The following IQUB variants were observed in gnomAD, a reference collection of about 807,000 sequenced individuals.
IQUB encodes the protein IQ motif and ubiquitin-like domain-containing protein.
Under a neutral mutation model 86.4 loss-of-function variants are expected in IQUB, and 86 were observed. The ratio of observed to expected loss-of-function variants is 1.00; its 90% CI spans 0.84 to 1.19. The LOEUF is 1.19. IQUB is among the 50% of genes most tolerant of loss of function. The probability of loss-of-function intolerance (pLI) is 0.00; values close to 1 mark genes in which losing one functional copy is unlikely to be tolerated. For missense variants in IQUB, 946 were observed against 916.9 expected (o/e 1.03, Z -0.41); for synonymous variants, 289 against 304.5 (o/e 0.95, Z 0.53).
At chr7:123,460,428 A>C (rs1191328891) in intron 11 of IQUB, among the ~76,000 whole-genome samples, 1 of 151,914 alleles carries the variant, frequency 6.6e-6, no homozygotes, top group Non-Finnish European at 1.5e-5. Flanking sequence ...AATCTCTATA[A>C]AGTTTTCTAT....
chr7:123,503,607 T>A (rs1796048025), intron 3 of IQUB, among the ~76,000 whole-genome samples: 1 of 151,946 alleles, frequency 6.6e-6, no homozygotes, highest in Non-Finnish European at 1.5e-5. Context: ...ATATGTAATA[T>A]ATTATTATTA....
At chr7:123,469,433 T>A in intron 8 of IQUB, 49 bp from the exon 9 acceptor site, 1 of 1,142,306 alleles carries the variant, frequency 8.8e-7, no homozygotes, top group Non-Finnish European at 1.2e-6. Context: ...AGAAACTACG[T>A]ATAACAATTT....
At chr7:123,508,925 T>C (rs969249036) in intron 3 of IQUB, among the ~76,000 whole-genome samples, 2 of 152,184 alleles carry the variant, frequency 1.3e-5, no homozygotes, top group Non-Finnish European at 2.9e-5. Context: ...CAGTATATGG[T>C]CAATAAATTA....
At position 123,503,265 on chromosome 7, in the gene IQUB, G is replaced by T; in HGVS notation, c.631C>A (p.Pro211Thr). 1 of 1,610,640 alleles carries T rather than the reference G, an allele frequency of 6.2e-7. No homozygotes were observed. Among genetic ancestry groups the T allele is most frequent in the Non-Finnish European group, 8.5e-7 (1 of 1,177,142 alleles). The change falls in exon 4 of 13, where the codon CCA becomes ACA. Residue 211 changes from proline to threonine, a missense_variant. Transcript: ENST00000324698. ...EIFSTNPDLY[P>T]VRRIDGLTDV... ...GTTAATCCATCTATTCTTCTGACTG[G>T]ATACAGATCTGGATTTGTAGAAAAG...
chr7:123,496,903 T>C lies in IQUB; in HGVS notation c.1027A>G (p.Ile343Val). The change falls in exon 7 of 13, where the codon ATA becomes GTA. Residue 343 changes from isoleucine to valine, a missense_variant. Physicochemically the swap from Ile to Val is conservative, Grantham distance 29. Coordinates refer to ENST00000324698, the MANE Select transcript of IQUB (RefSeq NM_178827.5). ...EYHAQRLKAVIVIQTYYRQWH... is the reference protein window; with the variant it reads ...EYHAQRLKAVVVIQTYYRQWH... Reference sequence around the variant, plus strand: ...TGCCTGTAGTAAGTCTGTATCACTATCACCTATAGTTAAATTAAAAGGAAA... The same window carrying C: ...TGCCTGTAGTAAGTCTGTATCACTACCACCTATAGTTAAATTAAAAGGAAA... 6.3e-7 allele frequency: 1 copy of C among 1,593,898 alleles called. No individual in the cohort carries two copies. Among genetic ancestry groups the C allele is most frequent in the Non-Finnish European group, 8.6e-7 (1 of 1,169,046 alleles).
chr7:123,465,677 G>A (rs1333562799), intron 9 of IQUB, among the ~76,000 whole-genome samples: 1 of 152,040 alleles, frequency 6.6e-6, no homozygotes, highest in Non-Finnish European at 1.5e-5. Flanking sequence ...CTTGAATGAA[G>A]GAGTCAGAAG....
chr7:123,527,193 G>T (rs1002380762), intron 1 of IQUB, among the ~76,000 whole-genome samples: 9 of 151,938 alleles, frequency 5.9e-5, no homozygotes, highest in Non-Finnish European at 1.3e-4. Flanking sequence ...TTTCTTTATT[G>T]GTTATTGTAG....
chr7:123,462,558 G>C, intron 10 of IQUB: 1 of 207,142 alleles, frequency 4.8e-6, no homozygotes, highest in South Asian at 7.3e-5. Context: ...TGGGAGATAA[G>C]AAAATATGTA....
intron 3 of IQUB, among the ~76,000 whole-genome samples, chr7:123,507,731 G>T (rs1201651943): frequency 1.3e-5 from 2 of 151,898 alleles, no homozygotes; most frequent in Non-Finnish European, 2.9e-5. Context: ...AAATTAGCCG[G>T]GTGTGGTGGC....
chr7:123,457,907 T>A (rs1322332162), intron 11 of IQUB: 1 of 183,176 alleles, frequency 5.5e-6, no homozygotes, highest in African/African-American at 2.4e-5. Context: ...GTAAGTACCA[T>A]CTTAATTTCA....
At chr7:123,498,582 G>A (rs1046987320) in intron 6 of IQUB, among the ~76,000 whole-genome samples, 4 of 152,112 alleles carry the variant, frequency 2.6e-5, no homozygotes, top group African/African-American at 9.7e-5. Flanking sequence ...AAACAACACA[G>A]AAGTTTTTTC....
In IQUB at chr7:123,508,203, T is replaced by C. The variant is rs145430863; in HGVS notation, c.532+1698A>G. Reference sequence around the variant, plus strand: ...AGGAAGGGCCTAATAAGCCAAGAAATACAAGAAATGCAACTCTAAAAGCTG... The same window carrying C: ...AGGAAGGGCCTAATAAGCCAAGAAACACAAGAAATGCAACTCTAAAAGCTG... On this transcript the variant is annotated intron_variant, in intron 3 of 12. Transcript: ENST00000324698. Among the ~76,000 whole-genome samples the C allele has an allele frequency of 9.1e-4, 138 of 152,242 alleles. 1 individual carries two copies. The highest frequency in any genetic ancestry group is 5.4e-3 in the East Asian group (28 of 5,158).
At chr7:123,502,520 G>A in intron 6 of IQUB, 77 bp downstream of exon 6, 1 of 1,277,958 alleles carries the variant, frequency 7.8e-7, no homozygotes, top group Non-Finnish European at 1.1e-6. Context: ...AATGTGGCTT[G>A]GAGAAAGAGA....
At chr7:123,491,844 A>T (rs564671244) in intron 7 of IQUB, among the ~76,000 whole-genome samples, 25 of 152,346 alleles carry the variant, frequency 1.6e-4, no homozygotes, top group African/African-American at 5.5e-4. Flanking sequence ...AAAACCAGAC[A>T]GTAACATAAC....
chr7:123,493,872 G>C (rs1475773144), intron 7 of IQUB, among the ~76,000 whole-genome samples: 1 of 151,276 alleles, frequency 6.6e-6, no homozygotes, highest in Admixed American at 6.6e-5. Context: ...AACTAGTTGG[G>C]GGGGCAGGGA....
chr7:123,487,264 T>C (rs959205542), intron 7 of IQUB, among the ~76,000 whole-genome samples: 6 of 152,204 alleles, frequency 3.9e-5, no homozygotes, highest in Admixed American at 2.6e-4. Context: ...ATTTAATCTC[T>C]TTTCTTTATA....
At chr7:123,505,211 TG>T (rs1399786042) in intron 3 of IQUB, among the ~76,000 whole-genome samples, 1 of 152,206 alleles carries the variant, frequency 6.6e-6, no homozygotes, top group Non-Finnish European at 1.5e-5. Context: ...TCAGCTCGCA[TG>T]GCTGCTCTCA....
At chr7:123,466,546 C>G (rs762623320) in intron 9 of IQUB, among the ~76,000 whole-genome samples, 40 of 152,138 alleles carry the variant, frequency 2.6e-4, no homozygotes, top group Non-Finnish European at 5.6e-4. Context: ...AAAAGGCAGT[C>G]AATGCCTCTG....
chr7:123,517,358 C>T (rs941039218), intron 1 of IQUB, among the ~76,000 whole-genome samples: 13 of 151,244 alleles, frequency 8.6e-5, no homozygotes, highest in Non-Finnish European at 1.3e-4. Flanking sequence ...GGTGAAACCC[C>T]GCTCTACTAA....
Sources: allele counts gnomAD v4.1 joint callset (sites outside exome capture counted in the v4.1 genomes callset), GRCh38; gene constraint gnomAD v4.1.1; transcripts MANE v1.5; gene names NCBI Gene and HGNC (gene_info 2026-07-23, HGNC 2026-07-21).